The following TENM3 variants were observed in gnomAD, a reference collection of about 807,000 sequenced individuals.
TENM3 encodes the protein teneurin-3.
TENM3 carries 63 observed loss-of-function variants against 255.1 expected under a neutral mutation model. That is an observed-to-expected ratio of 0.25 (90% CI 0.20 to 0.30). The LOEUF (loss-of-function observed/expected upper bound fraction) is 0.30, where lower values mean the gene tolerates loss of function less well. TENM3 is among the 10% of genes least tolerant of loss of function. The pLI is 1.00. For synonymous variants in TENM3, 1,306 were observed against 1,322.3 expected, an observed-to-expected ratio of 0.99 and a Z score of 0.27; for missense variants, 2,929 against 3,461.1, an observed-to-expected ratio of 0.85 and a Z score of 3.86.
At chr4:181,580,129 C>G in the TENM3 span, among the ~76,000 whole-genome samples, 3 of 152,124 alleles carry the variant, frequency 2.0e-5, no homozygotes, top group Admixed American at 2.0e-4. Flanking sequence ...TCCTGAGTAA[C>G]TGGGATTACA....
At chr4:181,766,726 G>A in the TENM3 span, among the ~76,000 whole-genome samples, 1 of 151,416 alleles carries the variant, frequency 6.6e-6, no homozygotes, top group Non-Finnish European at 1.5e-5. Context: ...CTTGAACTAG[G>A]GACCCTGACA....
the TENM3 span, among the ~76,000 whole-genome samples, chr4:181,557,806 C>T: frequency 6.6e-6 from 1 of 152,184 alleles, no homozygotes; most frequent in Admixed American, 6.5e-5. Context: ...GTTGGGATTA[C>T]AGGCGTAAGC....
chr4:182,695,412 CCT>C (rs996051898), intron 12 of TENM3, among the ~76,000 whole-genome samples: 1 of 152,192 alleles, frequency 6.6e-6, no homozygotes, highest in African/African-American at 2.4e-5. Flanking sequence ...ACTCCAACAT[CCT>C]CTCCACCACA....
intron 2 of TENM3, among the ~76,000 whole-genome samples, chr4:182,326,152 T>A (rs2675530): frequency 0.51 from 78,095 of 152,084 alleles, 20,930 homozygotes; most frequent in African/African-American, 0.67. Context: ...GGAGAAGCGC[T>A]CGCGCAGTGT....
At chr4:182,676,524 GCCACTA>G (rs1379165205) in intron 7 of TENM3, among the ~76,000 whole-genome samples, 1 of 152,160 alleles carries the variant, frequency 6.6e-6, no homozygotes, top group African/African-American at 2.4e-5. Context: ...GCAAGACTGT[GCCACTA>G]CCAAAGAGTT....
chr4:181,932,549 C>T, the TENM3 span, among the ~76,000 whole-genome samples: 2 of 152,328 alleles, frequency 1.3e-5, no homozygotes, highest in Non-Finnish European at 2.9e-5. Context: ...AATAGGAACA[C>T]TTTAACACCG....
Position 182,615,065 on chromosome 4 carries a change from A to T in TENM3, c.750-13586A>T, listed in dbSNP as rs907810373. On this transcript the variant is annotated intron_variant, in intron 4 of 27. Transcript: ENST00000511685. ...AAAATACATATATATATATATATAT[A>T]TGTATTTTTTTTTTCTTCTCCAAAT... Among the ~76,000 whole-genome samples, 19 of 119,808 alleles carry T rather than the reference A, an allele frequency of 1.6e-4. No individual in the cohort carries two copies. In the South Asian group the frequency reaches 2.8e-3, roughly 17 times the overall value. 78.6% of individuals were successfully genotyped at this position (119,808 alleles called of 152,430 possible).
At chr4:181,684,015 ATAG>A in the TENM3 span, among the ~76,000 whole-genome samples, 1 of 152,212 alleles carries the variant, frequency 6.6e-6, no homozygotes, top group Non-Finnish European at 1.5e-5. Flanking sequence ...CATTTAACAA[ATAG>A]TAGTTATTAT....
intron 3 of TENM3, among the ~76,000 whole-genome samples, chr4:182,472,648 C>G (rs762929867): frequency 2.6e-5 from 4 of 152,160 alleles, no homozygotes; most frequent in Non-Finnish European, 4.4e-5. Flanking sequence ...TACTTTTCAT[C>G]ACAAGTAAAA....
At chr4:182,306,776 G>A (rs1010590580) in intron 1 of TENM3, among the ~76,000 whole-genome samples, 3 of 152,162 alleles carry the variant, frequency 2.0e-5, no homozygotes, top group Non-Finnish European at 4.4e-5. Context: ...GATAAAGTAT[G>A]AGAGGAGAAA....
the TENM3 span, among the ~76,000 whole-genome samples, chr4:181,844,463 T>C: frequency 2.6e-5 from 4 of 151,964 alleles, no homozygotes; most frequent in Admixed American, 6.6e-5. Context: ...GGTCAGGAGA[T>C]CGAGACCATC....
At chr4:181,656,268 C>G in the TENM3 span, among the ~76,000 whole-genome samples, 4 of 152,186 alleles carry the variant, frequency 2.6e-5, no homozygotes, top group Admixed American at 2.0e-4. Context: ...AAGGATGACA[C>G]AGCAGCCTGA....
chr4:182,256,569 T>C (rs1007008446), intron 1 of TENM3, among the ~76,000 whole-genome samples: 10 of 152,190 alleles, frequency 6.6e-5, no homozygotes, highest in African/African-American at 2.4e-4. Context: ...CCGTGAAGAA[T>C]CTCAATACGA....
At chr4:182,623,579 T>C in intron 4 of TENM3, among the ~76,000 whole-genome samples, 2 of 150,646 alleles carry the variant, frequency 1.3e-5, no homozygotes, top group Non-Finnish European at 3.0e-5. Context: ...ATCCACCCGC[T>C]GCGGCCTTCC....
At chr4:181,721,941 G>A in the TENM3 span, among the ~76,000 whole-genome samples, 3 of 152,168 alleles carry the variant, frequency 2.0e-5, no homozygotes, top group Non-Finnish European at 1.5e-5. Flanking sequence ...GGAGATGCAT[G>A]TGGACTTACC....
chr4:182,072,052 G>T, the TENM3 span, among the ~76,000 whole-genome samples: 1 of 152,216 alleles, frequency 6.6e-6, no homozygotes, highest in East Asian at 1.9e-4. Context: ...GACAGATAAT[G>T]CCATCACTGT....
intron 1 of TENM3, among the ~76,000 whole-genome samples, chr4:182,159,710 C>CTGT (rs1212570128): frequency 6.6e-6 from 1 of 152,128 alleles, no homozygotes; most frequent in Non-Finnish European, 1.5e-5. Flanking sequence ...AGCTGAGAGG[C>CTGT]TGTTCCAGTC....
the TENM3 span, among the ~76,000 whole-genome samples, chr4:181,525,526 T>C: frequency 6.6e-6 from 1 of 152,058 alleles, no homozygotes; most frequent in African/African-American, 2.4e-5. Context: ...ATTGCCAGGG[T>C]TCACTCGGTA....
At chr4:181,849,949 T>TCTCTCTCTCTCTCTCTCTCACACA in the TENM3 span, among the ~76,000 whole-genome samples, 5 of 65,964 alleles carry the variant, frequency 7.6e-5, no homozygotes, top group Admixed American at 1.9e-4. Context: ...TCTCTCTCTC[T>TCTCTCTCTCTCTCTCTCTCACACA]CACACACACA....
Sources: gnomAD v4.1 joint callset for allele counts (sites outside exome capture counted in the v4.1 genomes callset) on GRCh38, gnomAD v4.1.1 for gene constraint, MANE v1.5 for transcripts, NCBI Gene and HGNC (gene_info 2026-07-23, HGNC 2026-07-21) for gene names.